The following ABCB1 variants were observed in gnomAD, a reference collection of about 807,000 sequenced individuals.
ABCB1 encodes the protein ATP-dependent translocase ABCB1.
ABCB1 carries 69 observed loss-of-function variants against 142.0 expected under a neutral mutation model. The observed-to-expected ratio is 0.49, with a 90% CI of 0.40 to 0.59. The LOEUF (loss-of-function observed/expected upper bound fraction) is 0.59. ABCB1 is among the 20% of genes least tolerant of loss of function. ABCB1 has a pLI of 0.00. For missense variants in ABCB1, 1,326 were observed against 1,554.7 expected (o/e 0.85, Z 2.47); for synonymous variants, 532 against 539.2 (o/e 0.99, Z 0.18).
intron 1 of ABCB1, among the ~76,000 whole-genome samples, chr7:87,667,453 T>C (rs1223110165): frequency 6.6e-6 from 1 of 152,144 alleles, no homozygotes; most frequent in South Asian, 2.1e-4. Context: ...TAGTTTAACT[T>C]TCTCTTTTCC....
At chr7:87,664,114 T>C (rs939318079) in intron 1 of ABCB1, among the ~76,000 whole-genome samples, 2 of 152,154 alleles carry the variant, frequency 1.3e-5, no homozygotes, top group Non-Finnish European at 2.9e-5. Context: ...CTTGTCTCTG[T>C]GCACTTTGAG....
intron 4 of ABCB1, among the ~76,000 whole-genome samples, chr7:87,585,014 A>G (rs1163246622): frequency 6.6e-6 from 1 of 151,910 alleles, no homozygotes; most frequent in Non-Finnish European, 1.5e-5. Flanking sequence ...ACTTCCAGAA[A>G]GCCCAACATA....
Position 87,566,095 on chromosome 7 carries a change from C to A in ABCB1, c.677G>T (p.Gly226Val). ...CTTTGCCCAGACAGCAGCTGACAGT[C>A]CAAGAACAGGACTGATGGCCAAAAT... ...LVILAISPVL[G>V]LSAAVWAKIL... Residue 226 changes from glycine to valine, a missense_variant, in exon 7 of 28, where the codon GGA (glycine) becomes GTA (valine). Gly to Val is a moderately radical substitution (Grantham distance 109). Transcript: ENST00000622132. The A allele has an allele frequency of 1.2e-6, 2 of 1,614,190 alleles. No individual in the cohort carries two copies. The highest frequency in any genetic ancestry group is 1.7e-6 in the Non-Finnish European group (2 of 1,180,024).
intron 1 of ABCB1, among the ~76,000 whole-genome samples, chr7:87,612,937 T>C (rs1278390263): frequency 6.6e-6 from 1 of 152,056 alleles, no homozygotes; most frequent in East Asian, 1.9e-4. Flanking sequence ...ATGATTTCTT[T>C]CTGCAGTGTT....
At chr7:87,617,211 A>T (rs1189266825) in intron 1 of ABCB1, among the ~76,000 whole-genome samples, 1 of 152,244 alleles carries the variant, frequency 6.6e-6, no homozygotes, top group Non-Finnish European at 1.5e-5. Context: ...GAGAGAACTC[A>T]TGCATAACCA....
chr7:87,509,290 G>A lies in ABCB1; in HGVS notation c.3474C>T (p.Ile1158=), dbSNP rs200703943. ...AAKEANIHAF[I]ESLPNKYSTK... ...AGAGACTTACATTAGGCAGTGACTCGATGAAGGCATGTATGTTGGCCTCCT... is the reference window on the plus strand; with the variant it reads ...AGAGACTTACATTAGGCAGTGACTCAATGAAGGCATGTATGTTGGCCTCCT... Residue 1158 remains isoleucine (I), a synonymous_variant, in exon 26 of 28, where the codon ATC becomes ATT. Transcript: ENST00000622132. The A allele has an allele frequency of 1.3e-5, 21 of 1,613,996 alleles. No individual in the cohort carries two copies. The highest frequency in any genetic ancestry group is 1.3e-5 in the Non-Finnish European group (15 of 1,180,030).
intron 21 of ABCB1, among the ~76,000 whole-genome samples, chr7:87,528,040 G>A (rs957348695): frequency 6.6e-6 from 1 of 152,092 alleles, no homozygotes; most frequent in African/African-American, 2.4e-5. Flanking sequence ...GCATATGCAG[G>A]GGAACTCCCC....
At chr7:87,535,671 T>C (rs1816258560) in intron 20 of ABCB1, among the ~76,000 whole-genome samples, 1 of 152,202 alleles carries the variant, frequency 6.6e-6, no homozygotes, top group Non-Finnish European at 1.5e-5. Flanking sequence ...ACTCTATGTA[T>C]TTCCTCATTT....
rs1330170800 is a variant in ABCB1, at chr7:87,553,783, T to C, written c.977A>G (p.Tyr326Cys). 6.2e-7 allele frequency: 1 copy of C among 1,614,026 alleles called. No individual in the cohort carries two copies. Among genetic ancestry groups the C allele is most frequent in the African/African-American group, 1.3e-5 (1 of 74,928 alleles). The change falls in exon 9 of 28, where the codon TAT becomes TGT. Residue 326 changes from tyrosine (Y) to cysteine (C), a missense_variant. Tyr to Cys is a radical substitution (Grantham distance 194, BLOSUM62 -2). Coordinates refer to ENST00000622132, the MANE Select transcript of ABCB1 (RefSeq NM_001348946.2). ...TACAGTGAGTACTTGTCCAATAGAA[T>C]ATTCCCCTGAGAGGACCAAGGTGGT... ...YGTTLVLSGE[Y>C]SIGQVLTVFF...
chr7:87,709,479 A>T, intron 1 of ABCB1: 1 of 985,440 alleles, frequency 1.0e-6, no homozygotes, highest in Non-Finnish European at 1.2e-6. Context: ...GACTGAGCAC[A>T]GGGCAAGCTA....
Position 87,628,598 on chromosome 7 carries a change from T to C in ABCB1, c.-330-27520A>G, listed in dbSNP as rs988484502. The C allele has an allele frequency of 6.0e-3, 1,864 of 311,776 alleles. 16 individuals are homozygous for C. Among genetic ancestry groups the C allele is most frequent in the Middle Eastern group, 0.018 (20 of 1,096 alleles). 19.3% of individuals were successfully genotyped at this position (311,776 alleles called of 1,614,324 possible). ...GTGCGTGCGTGCGTGTGTGTGTGTG[T>C]GTGTGTGTGTGTGTGTGTGTGTGTG... On this transcript the variant is annotated intron_variant, in intron 1 of 28. Coordinates refer to the ABCB1 transcript ENST00000265724.
intron 20 of ABCB1, among the ~76,000 whole-genome samples, chr7:87,532,731 T>A (rs1305056642): frequency 6.6e-6 from 1 of 152,194 alleles, no homozygotes; most frequent in Non-Finnish European, 1.5e-5. Context: ...GCTGCTGTTC[T>A]GCCTATGAAG....
Position 87,654,163 on chromosome 7 carries a change from C to T in ABCB1, c.-330-53085G>A, listed in dbSNP as rs78969207. On this transcript the variant is annotated intron_variant, in intron 1 of 28. Transcript: ENST00000265724. ...ATGTTTATATTAACAATCTACCCAACATAATCTACAGGTTCACTGAAATCT... is the reference window on the plus strand; with the variant it reads ...ATGTTTATATTAACAATCTACCCAATATAATCTACAGGTTCACTGAAATCT... 7.0e-3 allele frequency among the ~76,000 whole-genome samples: 1,064 copies of T among 151,842 alleles called. 8 individuals are homozygous for T. Among genetic ancestry groups the T allele is most frequent in the East Asian group, 0.049 (254 of 5,180 alleles).
chr7:87,514,169 T>C (rs771713370), intron 25 of ABCB1, among the ~76,000 whole-genome samples: 7 of 152,158 alleles, frequency 4.6e-5, no homozygotes, highest in Non-Finnish European at 8.8e-5. Context: ...CTCTTTTCAT[T>C]TGAGTCATTA....
chr7:87,697,699 A>G (rs1166601091), intron 1 of ABCB1, among the ~76,000 whole-genome samples: 1 of 152,228 alleles, frequency 6.6e-6, no homozygotes, highest in African/African-American at 2.4e-5. Context: ...AGTATGCACT[A>G]GACTCTTTGC....
intron 8 of ABCB1, among the ~76,000 whole-genome samples, chr7:87,559,770 A>G (rs1371014120): frequency 6.6e-6 from 1 of 152,176 alleles, no homozygotes; most frequent in Non-Finnish European, 1.5e-5. Flanking sequence ...CCATCTGCAG[A>G]TAGCAGTCAG....
intron 1 of ABCB1, among the ~76,000 whole-genome samples, chr7:87,670,413 G>T (rs1825704222): frequency 6.6e-6 from 1 of 152,076 alleles, no homozygotes; most frequent in Admixed American, 6.6e-5. Context: ...ATTGGGTTTT[G>T]CCATCTTCCT....
At chr7:87,530,954 G>T (rs1239364109) in intron 21 of ABCB1, among the ~76,000 whole-genome samples, 2 of 151,568 alleles carry the variant, frequency 1.3e-5, no homozygotes, top group Non-Finnish European at 2.9e-5. Flanking sequence ...AGGAAGGAAA[G>T]AAGGAAGGAA....
At chr7:87,565,550 A>G in intron 7 of ABCB1, 1 of 416,210 alleles carries the variant, frequency 2.4e-6, no homozygotes, top group Non-Finnish European at 4.7e-6. Flanking sequence ...TTATTTTATA[A>G]CCAAAAATTT....
Sources: gnomAD v4.1 joint callset for allele counts (sites outside exome capture counted in the v4.1 genomes callset) on GRCh38, gnomAD v4.1.1 for gene constraint, MANE v1.5 for transcripts, NCBI Gene and HGNC (gene_info 2026-07-23, HGNC 2026-07-21) for gene names.